PDLIM7: variants seen among roughly 807,000 people sequenced by gnomAD.
The protein encoded by PDLIM7 is PDZ and LIM domain protein 7.
In PDLIM7, 37 loss-of-function variants were observed where a neutral mutation model predicts 53.9. The ratio of observed to expected loss-of-function variants is 0.69; its 90% confidence interval spans 0.53 to 0.90. The LOEUF (loss-of-function observed/expected upper bound fraction) is 0.90. Among genes scored for constraint, PDLIM7 ranks in the 40% least tolerant of loss-of-function variants. The pLI, the probability that PDLIM7 is intolerant of heterozygous loss-of-function variation, is 0.00. For missense variants in PDLIM7, 617 were observed against 638.5 expected (o/e 0.97, Z 0.36); for synonymous variants, 300 against 261.3 (o/e 1.15, Z -1.43).
At chr5:177,495,477 C>T (rs974379904) in intron 2 of PDLIM7, among the ~76,000 whole-genome samples, 3 of 152,218 alleles carry the variant, frequency 2.0e-5, no homozygotes, top group African/African-American at 7.2e-5. Flanking sequence ...GACCCCCAGG[C>T]CAGTCAGAGA....
intron 10 of PDLIM7, among the ~76,000 whole-genome samples, chr5:177,486,324 A>T (rs937092991): frequency 1.3e-5 from 2 of 152,150 alleles, no homozygotes; most frequent in Non-Finnish European, 2.9e-5. Context: ...CGGATGGTGC[A>T]TTTCTGCCCT....
chr5:177,485,761 G>A (rs1758407052), intron 10 of PDLIM7, among the ~76,000 whole-genome samples: 1 of 152,182 alleles, frequency 6.6e-6, no homozygotes, highest in Non-Finnish European at 1.5e-5. Context: ...AAGGTGGGAG[G>A]ATCGCTCGAG....
rs113574636 is a variant in PDLIM7 at position 177,492,606 on chromosome 5, C to T, written c.168G>A (p.Glu56=). ...VGDWVLSIDG[E]NAGSLTHIEA... ...CGATGTGTGTGAGGCTACCCGCATT[C>T]TCGCCATCGATGCTCAGCACCCAGT... Residue 56 remains glutamate (E), a synonymous_variant, in exon 3 of 13, where the codon GAG becomes GAA. Transcript: ENST00000355841. 1.6e-5 allele frequency: 26 copies of T among 1,612,810 alleles called. No homozygotes were observed. In the South Asian group the frequency reaches 2.7e-4, roughly 17 times the overall value.
chr5:177,489,358 G>T (rs1477393440), intron 9 of PDLIM7, 35 bp downstream of exon 9: 1 of 1,466,652 alleles, frequency 6.8e-7, no homozygotes, highest in East Asian at 2.5e-5. Flanking sequence ...CTGCAGGATG[G>T]GAAAGCCAGG....
rs752381751 is a variant in PDLIM7, at chr5:177,484,102, T to C, written c.1139A>G (p.Tyr380Cys). ...GCAATAGGGCACGCCCTCCTCCATG[T>C]AGAAGGCCCTGTTCCGGATGGGCGT... ...CKTPIRNRAF[Y>C]MEEGVPYCER... Residue 380 changes from tyrosine (Y) to cysteine (C), a missense_variant, in exon 11 of 13, where the codon TAC (tyrosine) becomes TGC (cysteine). Coordinates refer to ENST00000355841, the MANE Select transcript of PDLIM7 (RefSeq NM_005451.5). 6 of 1,613,910 alleles carry C rather than the reference T, an allele frequency of 3.7e-6. No homozygotes were observed. Among genetic ancestry groups the C allele is most frequent in the Non-Finnish European group, 5.1e-6 (6 of 1,180,006 alleles).
rs1425075925 is a variant in PDLIM7 at position 177,488,225 on chromosome 5, C to T, written c.893G>A (p.Gly298Asp). The change falls in exon 10 of 13, where the codon GGC becomes GAC. Residue 298 changes from glycine (G) to aspartate (D), a missense_variant. Coordinates refer to ENST00000355841, the MANE Select transcript of PDLIM7 (RefSeq NM_005451.5). Reference sequence around the variant, plus strand: ...AAACTCCTCCGGGTGGTACGCGTGGCCCAGCGCCACCAGGTAGCGGCCCCT... The same window carrying T: ...AAACTCCTCCGGGTGGTACGCGTGGTCCAGCGCCACCAGGTAGCGGCCCCT... Reference protein sequence around the residue: ...VIRGRYLVALGHAYHPEEFVC... With the variant: ...VIRGRYLVALDHAYHPEEFVC... The T allele has an allele frequency of 8.1e-6, 13 of 1,607,354 alleles. No individual in the cohort carries two copies. Among genetic ancestry groups the T allele is most frequent in the Non-Finnish European group, 9.3e-6 (11 of 1,176,622 alleles).
At position 177,489,509 on chromosome 5, in the gene PDLIM7, C is replaced by T. The variant is rs1195544023; in HGVS notation, c.753G>A (p.Thr251=). ...TVLTRHSQPA[T]PTPLQSRTSI... ...AGGTGCGGCTCTGCAGCGGCGTGGG[C>T]GTGGCCGGCTGGCTGTGCCGGGTCA... is the stretch of plus-strand genomic sequence containing the variant. Residue 251 remains threonine (T), a synonymous_variant, in exon 9 of 13, where the codon ACG becomes ACA. Transcript: ENST00000355841. 8.7e-6 allele frequency: 14 copies of T among 1,608,974 alleles called. No individual in the cohort carries two copies. Among genetic ancestry groups the T allele is most frequent in the Middle Eastern group, 1.7e-4 (1 of 6,052 alleles).
rs771029185 is a variant in PDLIM7, at chr5:177,489,529, G to A, written c.733C>T (p.Arg245Trp). Residue 245 changes from arginine to tryptophan, a missense_variant, in exon 9 of 13, where the codon CGG becomes TGG. Coordinates refer to ENST00000355841, the MANE Select transcript of PDLIM7 (RefSeq NM_005451.5). ...APDKTSTVLT[R>W]HSQPATPTPL... ...GTGGGCGTGGCCGGCTGGCTGTGCCGGGTCAGCACTGTGCTCGTTTTGTCC... is the reference window on the plus strand; with the variant it reads ...GTGGGCGTGGCCGGCTGGCTGTGCCAGGTCAGCACTGTGCTCGTTTTGTCC... The A allele has an allele frequency of 6.8e-6, 11 of 1,609,658 alleles. No individual in the cohort carries two copies. In the South Asian group the frequency reaches 8.9e-5, roughly 13 times the overall value.
At chr5:177,497,189 A>G (rs1345053964) in intron 1 of PDLIM7, among the ~76,000 whole-genome samples, 1 of 151,814 alleles carries the variant, frequency 6.6e-6, no homozygotes, top group Non-Finnish European at 1.5e-5. Flanking sequence ...TGGGACCCTC[A>G]AGCATAGCTT....
At position 177,492,690 on chromosome 5, in the gene PDLIM7, A is replaced by G; in HGVS notation, c.97-13T>C. ...CCCCAGGAGTGAGCTGTGGAGAGAGAAGCAAAGTGACCGAGGCCCTGGACC... is the reference window on the plus strand; with the variant it reads ...CCCCAGGAGTGAGCTGTGGAGAGAGGAGCAAAGTGACCGAGGCCCTGGACC... On this transcript the variant is annotated splice_polypyrimidine_tract_variant and intron_variant, in intron 2 of 12. Coordinates refer to ENST00000355841, the MANE Select transcript of PDLIM7 (RefSeq NM_005451.5). 6.3e-7 allele frequency: 1 copy of G among 1,597,514 alleles called. No individual in the cohort carries two copies. The highest frequency in any genetic ancestry group is 1.3e-5 in the African/African-American group (1 of 74,932).
intron 10 of PDLIM7, among the ~76,000 whole-genome samples, chr5:177,487,247 C>T (rs1027525758): frequency 2.0e-5 from 3 of 152,146 alleles, no homozygotes; most frequent in Non-Finnish European, 4.4e-5. Context: ...CCATTCTTGC[C>T]GACTGATGGA....
intron 7 of PDLIM7, chr5:177,490,313 A>T: frequency 6.9e-7 from 1 of 1,445,538 alleles, no homozygotes; most frequent in South Asian, 1.5e-5. Flanking sequence ...ACCACAGGGC[A>T]AAGAGGGAAG....
intron 2 of PDLIM7, 81 bp from the exon 3 acceptor site, chr5:177,492,758 C>T (rs1286969419): frequency 4.8e-6 from 7 of 1,457,858 alleles, no homozygotes; most frequent in Middle Eastern, 1.8e-4. Context: ...ACTGCCCCAC[C>T]CAAAGCTGTC....
At chr5:177,488,507 G>A (rs1758575215) in intron 9 of PDLIM7, among the ~76,000 whole-genome samples, 1 of 152,218 alleles carries the variant, frequency 6.6e-6, no homozygotes, top group East Asian at 1.9e-4. Context: ...AAGGGCTGAC[G>A]ACTGGAGCCT....
intron 10 of PDLIM7, chr5:177,484,851 C>G (rs1164579921): frequency 6.5e-6 from 1 of 154,518 alleles, no homozygotes; most frequent in South Asian, 2.0e-4. Flanking sequence ...TGCCTCTGCA[C>G]ACTGGCCTCT....
intron 10 of PDLIM7, 40 bp from the exon 11 acceptor site, chr5:177,484,230 T>TCCTGC (rs1561697913): frequency 1.9e-6 from 3 of 1,606,464 alleles, no homozygotes; most frequent in Non-Finnish European, 2.5e-6. Context: ...CTCAGGCCCC[T>TCCTGC]CCTGCCCTGC....
chr5:177,489,499 G>A lies in PDLIM7; in HGVS notation c.763C>T (p.Leu255=), dbSNP rs1318233026. 6.2e-7 allele frequency: 1 copy of A among 1,608,630 alleles called. No individual in the cohort carries two copies. Among genetic ancestry groups the A allele is most frequent in the Non-Finnish European group, 8.5e-7 (1 of 1,178,244 alleles). Residue 255 remains leucine, a synonymous_variant, in exon 9 of 13, where the codon CTG becomes TTG. Transcript: ENST00000355841. ...TGCACAATGGAGGTGCGGCTCTGCAGCGGCGTGGGCGTGGCCGGCTGGCTG... is the reference window on the plus strand; with the variant it reads ...TGCACAATGGAGGTGCGGCTCTGCAACGGCGTGGGCGTGGCCGGCTGGCTG... The part of the protein sequence containing the change: ...RHSQPATPTP[L]QSRTSIVQAA...
At chr5:177,489,702 G>A (rs1758647871) in intron 8 of PDLIM7, 69 bp downstream of exon 8, 1 of 1,484,624 alleles carries the variant, frequency 6.7e-7, no homozygotes. Flanking sequence ...GCAGCTGAGA[G>A]AAGCCCACCA....
At position 177,492,448 on chromosome 5, in the gene PDLIM7, G is replaced by C. The variant is rs774351325; in HGVS notation, c.249-13C>G. 1.2e-6 allele frequency: 2 copies of C among 1,613,564 alleles called. No homozygotes were observed. Among genetic ancestry groups the C allele is most frequent in the Non-Finnish European group, 1.7e-6 (2 of 1,179,806 alleles). ...AACCGGCTGGGCCCTGGAGGAGAAG[G>C]AAAGCGTGACAGCGGGCCGGGCCCG... On this transcript the variant is annotated splice_polypyrimidine_tract_variant and intron_variant, in intron 3 of 12. Transcript: ENST00000355841.
Sources: allele counts gnomAD v4.1 joint callset (sites outside exome capture counted in the v4.1 genomes callset), GRCh38; gene constraint gnomAD v4.1.1; transcripts MANE v1.5; gene names NCBI Gene and HGNC (gene_info 2026-07-23, HGNC 2026-07-21).